The following CUL4B variants were observed in gnomAD, a reference collection of about 807,000 sequenced individuals.
CUL4B encodes cullin-4B.
A neutral mutation model predicts 69.2 loss-of-function variants in CUL4B; 1 was observed. The observed-to-expected ratio is 0.01, with a 90% CI of 0.01 to 0.07. The LOEUF is 0.07. Among genes scored for constraint, CUL4B ranks in the 10% least tolerant of loss-of-function variants. The pLI is 1.00. For synonymous variants in CUL4B, 237 were observed against 223.2 expected (o/e 1.06, Z -0.55); for missense variants, 328 against 638.8 (o/e 0.51, Z 5.24).
intron 15 of CUL4B, 91 bp downstream of exon 15, chrX:120,536,836 T>G (rs1287563421): frequency 3.0e-6 from 2 of 664,982 alleles, no homozygotes; most frequent in Non-Finnish European, 4.8e-6. Context: ...GGGTCTCTAT[T>G]TTTTTCTAAG....
chrX:120,538,586 C>A, intron 13 of CUL4B, 74 bp downstream of exon 13: 1 of 699,821 alleles, frequency 1.4e-6, no homozygotes, highest in Non-Finnish European at 2.3e-6. Flanking sequence ...AAGAGGAAAT[C>A]GATTGAAAGG....
upstream of CUL4B, among the ~76,000 whole-genome samples, chrX:120,566,344 G>GGT (rs1491108605): frequency 3.5e-3 from 63 of 17,913 alleles, 2 homozygotes; most frequent in East Asian, 0.16. Flanking sequence ...TGTGTGTATA[G>GGT]GTATATATAT....
chrX:120,566,327 GTA>G (rs750276715), upstream of CUL4B, among the ~76,000 whole-genome samples: 56 of 73,476 alleles, frequency 7.6e-4, no homozygotes, highest in Admixed American at 5.9e-3. Flanking sequence ...GATTTCATAT[GTA>G]TGTGTGTGTG....
chrX:120,535,791 T>C (rs775787797), intron 16 of CUL4B, 39 bp downstream of exon 16: 1 of 836,781 alleles, frequency 1.2e-6, no homozygotes, highest in Non-Finnish European at 1.8e-6. Context: ...ACATTAAAGA[T>C]AAAGATGAAA....
In CUL4B at chrX:120,538,422, A is replaced by G. The variant is rs1923793887; in HGVS notation, c.1853-213T>C. 3.1e-5 allele frequency: 13 copies of G among 419,638 alleles called. No homozygotes were observed. In the South Asian group the frequency reaches 5.1e-4, roughly 16 times the overall value. The allele number at this position is 419,638 out of a possible 1,213,427, so 34.6% of individuals were successfully genotyped here. A position where few individuals can be genotyped will look rare whatever the true frequency, so the allele number is the denominator to read the frequency against. On this transcript the variant is annotated intron_variant, in intron 13 of 19. Transcript: ENST00000371322. ...GTAACCTTATCTACTATTTAGGTAT[A>G]AAATAAATGGGAAATTTTTATACAA...
chrX:120,559,886 T>G, intron 1 of CUL4B, 197 bp downstream of exon 1: 1 of 1,144,756 alleles, frequency 8.7e-7, no homozygotes, highest in Non-Finnish European at 1.2e-6. Context: ...ACACCCGGTG[T>G]ATGCTTCAGC....
chrX:120,531,955 GT>G (rs1227781064), intron 18 of CUL4B, among the ~76,000 whole-genome samples: 2 of 110,872 alleles, frequency 1.8e-5, no homozygotes, highest in East Asian at 5.6e-4. Flanking sequence ...CTCCTAAAAT[GT>G]TCATACCCTT....
chrX:120,574,241 T>C (rs959453680), intron 2 of CUL4B, among the ~76,000 whole-genome samples: 1 of 108,010 alleles, frequency 9.3e-6, no homozygotes, highest in African/African-American at 3.4e-5. Flanking sequence ...AGAGGGAGTC[T>C]CGATCTGTCA....
intron 4 of CUL4B, 38 bp downstream of exon 4, chrX:120,546,509 C>G: frequency 9.2e-7 from 1 of 1,083,840 alleles, no homozygotes; most frequent in African/African-American, 1.8e-5. Context: ...ACTATTAATA[C>G]AATGTTTAGC....
At chrX:120,553,672 G>A (rs2147343799) in intron 2 of CUL4B, among the ~76,000 whole-genome samples, 1 of 111,288 alleles carries the variant, frequency 9.0e-6, no homozygotes, top group African/African-American at 3.3e-5. Flanking sequence ...GGGAGGCCAA[G>A]GCGGGATGAC....
In CUL4B at chrX:120,538,066, CA is replaced by C. The variant is rs1923774559; in HGVS notation, c.1938+57del. 3.8e-6 allele frequency: 3 copies of C among 799,768 alleles called. No individual in the cohort carries two copies. The South Asian group carries it at 6.4e-5, about 17-fold the overall frequency. 65.9% of individuals were successfully genotyped at this position (799,768 alleles called of 1,213,427 possible). On this transcript the variant is annotated intron_variant, in intron 14 of 19. Transcript: ENST00000371322. ...TTATCCTCTTTAGTACAAATCATAG[CA>C]AGCAGATAACTAAATACAACTAAGT...
At chrX:120,530,321 G>A (rs1015064295) in intron 18 of CUL4B, 67 bp from the exon 19 acceptor site, 6 of 1,003,661 alleles carry the variant, frequency 6.0e-6, no homozygotes, top group Admixed American at 2.2e-5. Flanking sequence ...CATAAATTGT[G>A]CATTTTAGGG....
intron 18 of CUL4B, among the ~76,000 whole-genome samples, chrX:120,530,525 T>C (rs980958940): frequency 8.0e-5 from 9 of 112,119 alleles, no homozygotes; most frequent in Non-Finnish European, 1.1e-4. Flanking sequence ...GAAGTAGAGA[T>C]AGCTGATGTG....
chrX:120,542,906 C>G (rs1379176689), intron 9 of CUL4B, 60 bp downstream of exon 9: 2 of 838,931 alleles, frequency 2.4e-6, no homozygotes, highest in East Asian at 6.3e-5. Flanking sequence ...TTTAAAAATT[C>G]CCTACTAGTT....
intron 17 of CUL4B, among the ~76,000 whole-genome samples, chrX:120,533,516 GGCCTATACTGT>G (rs1432560527): frequency 1.8e-5 from 2 of 111,033 alleles, no homozygotes; most frequent in African/African-American, 6.6e-5. Context: ...GCTCTTCATG[GGCCTATACTGT>G]GCCCATTCCT....
intron 2 of CUL4B, 124 bp from the exon 3 acceptor site, chrX:120,547,363 A>T (rs1175460573): frequency 2.0e-6 from 1 of 511,969 alleles, no homozygotes; most frequent in Non-Finnish European, 3.5e-6. Flanking sequence ...CATCCACTTA[A>T]GACACAAGGT....
At chrX:120,553,440 CA>C (rs1382902244) in intron 2 of CUL4B, among the ~76,000 whole-genome samples, 1 of 112,030 alleles carries the variant, frequency 8.9e-6, no homozygotes, top group Non-Finnish European at 1.9e-5. Context: ...GTTTATTTCA[CA>C]AAAAGGTAAC....
At chrX:120,565,363 C>T (rs1925462465), upstream of CUL4B, among the ~76,000 whole-genome samples, 1 of 109,036 alleles carries the variant, frequency 9.2e-6, no homozygotes, top group Non-Finnish European at 1.9e-5. Context: ...CAAACAACAA[C>T]AAAAAGCAAA....
intron 2 of CUL4B, among the ~76,000 whole-genome samples, chrX:120,552,735 G>C (rs1270268092): frequency 8.9e-6 from 1 of 111,831 alleles, no homozygotes; most frequent in African/African-American, 3.2e-5. Context: ...AATATTTACT[G>C]AACAACAGAC....
Sources: gnomAD v4.1 joint callset for allele counts (sites outside exome capture counted in the v4.1 genomes callset) on GRCh38, gnomAD v4.1.1 for gene constraint, MANE v1.5 for transcripts, NCBI Gene and HGNC (gene_info 2026-07-23, HGNC 2026-07-21) for gene names.